The following COPB1 variants were observed in gnomAD, a reference collection of about 807,000 sequenced individuals.
COPB1 encodes coat protein complex I subunit beta 1, also known as coatomer subunit beta.
Under a neutral mutation model 108.7 loss-of-function variants are expected in COPB1, and 21 were observed. The ratio of observed to expected loss-of-function variants is 0.19; its 90% CI spans 0.14 to 0.28. The LOEUF (loss-of-function observed/expected upper bound fraction) is 0.28, where lower values mean the gene tolerates loss of function less well. Among genes scored for constraint, COPB1 ranks in the 10% least tolerant of loss-of-function variants. The probability of loss-of-function intolerance (pLI) is 1.00; values close to 1 mark genes in which losing one functional copy is unlikely to be tolerated. For synonymous variants in COPB1, 378 were observed against 386.8 expected (o/e 0.98, Z 0.27); for missense variants, 919 against 1,141.3 (o/e 0.81, Z 2.81).
intron 12 of COPB1, among the ~76,000 whole-genome samples, chr11:14,476,221 C>A (rs1353795046): frequency 1.3e-5 from 2 of 152,150 alleles, no homozygotes; most frequent in Non-Finnish European, 2.9e-5. Flanking sequence ...ATTCTTTCTA[C>A]ACATTTTACC....
chr11:14,479,343 G>A (rs571984877), intron 11 of COPB1, among the ~76,000 whole-genome samples: 1 of 152,282 alleles, frequency 6.6e-6, no homozygotes, highest in East Asian at 1.9e-4. Context: ...ATGTTTTAGA[G>A]AAAATCAGAA....
intron 20 of COPB1, 182 bp downstream of exon 20, chr11:14,460,026 G>A (rs1850109599): frequency 2.1e-6 from 1 of 476,522 alleles, no homozygotes; most frequent in African/African-American, 2.0e-5. Context: ...GGAAAAAGTA[G>A]GATGGTATAG....
intron 2 of COPB1, among the ~76,000 whole-genome samples, chr11:14,498,305 C>A (rs2575822): frequency 0.66 from 101,010 of 152,084 alleles, 33,754 homozygotes; most frequent in African/African-American, 0.7. Flanking sequence ...CTGTGTACCC[C>A]CAAAAATTAA....
At chr11:14,479,482 A>G (rs1013278180) in intron 11 of COPB1, 87 bp downstream of exon 11, 1 of 1,321,768 alleles carries the variant, frequency 7.6e-7, no homozygotes. Flanking sequence ...TGTCCTCTCC[A>G]TTCTATTTTC....
At chr11:14,474,658 G>A in intron 13 of COPB1, 43 bp from the exon 14 acceptor site, 2 of 1,607,408 alleles carry the variant, frequency 1.2e-6, no homozygotes, top group Non-Finnish European at 1.7e-6. Context: ...AACTTGCTAA[G>A]CAGCATGCAG....
intron 1 of COPB1, among the ~76,000 whole-genome samples, chr11:14,499,266 G>C (rs978668763): frequency 1.3e-5 from 2 of 152,098 alleles, no homozygotes; most frequent in Non-Finnish European, 2.9e-5. Flanking sequence ...ACAATGTTAT[G>C]GACCGTATGG....
rs770728418 is a variant in COPB1 at position 14,466,461 on chromosome 11, CAG to C, written c.2146-37_2146-36del. On this transcript the variant is annotated intron_variant, in intron 16 of 21. Coordinates refer to ENST00000439561, the MANE Select transcript of COPB1 (RefSeq NM_001144061.2). Reference sequence around the variant, plus strand: ...CAAAAACAAAGACATAATCAAATGACAGATGCAATTTCACCAAACATACCCTG... The same window carrying C: ...CAAAAACAAAGACATAATCAAATGACATGCAATTTCACCAAACATACCCTG... The C allele has an allele frequency of 1.9e-6, 3 of 1,589,700 alleles. No individual in the cohort carries two copies. In the East Asian group the frequency reaches 6.7e-5, roughly 36 times the overall value.
intron 20 of COPB1, 116 bp downstream of exon 20, chr11:14,460,092 T>C (rs1020108915): frequency 1.8e-5 from 11 of 603,278 alleles, no homozygotes; most frequent in African/African-American, 9.5e-5. Context: ...ATCTTTTAGA[T>C]AGCCTAGAAT....
At position 14,493,799 on chromosome 11, in the gene COPB1, G is replaced by C. The variant is rs767002374; in HGVS notation, c.334C>G (p.Pro112Ala). The C allele has an allele frequency of 1.9e-6, 3 of 1,584,982 alleles. No individual in the cohort carries two copies. Among genetic ancestry groups the C allele is most frequent in the Non-Finnish European group, 2.6e-6 (3 of 1,166,952 alleles). ...GTAGATCCTCGAATAAATTCATTAG[G>C]ATGTTGAAGATCCTGATATAAAAAT... ...CDAYRKDLQH[P>A]NEFIRGSTLR... The change falls in exon 4 of 22, where the codon CCT becomes GCT. Residue 112 changes from proline (P) to alanine (A), a missense_variant. Coordinates refer to ENST00000439561, the MANE Select transcript of COPB1 (RefSeq NM_001144061.2).
intron 14 of COPB1, among the ~76,000 whole-genome samples, chr11:14,473,145 T>C (rs1025268187): frequency 1.3e-5 from 2 of 152,034 alleles, no homozygotes; most frequent in African/African-American, 4.8e-5. Context: ...TGGCTAATTT[T>C]TGTATTTTTA....
intron 8 of COPB1, among the ~76,000 whole-genome samples, chr11:14,482,815 C>G (rs1850689776): frequency 6.6e-6 from 1 of 152,172 alleles, no homozygotes; most frequent in South Asian, 2.1e-4. Context: ...GGATTACAGG[C>G]GTGAGCCACC....
chr11:14,470,717 GA>G (rs199941207), intron 14 of COPB1, among the ~76,000 whole-genome samples: 6 of 150,462 alleles, frequency 4.0e-5, no homozygotes, highest in Non-Finnish European at 8.9e-5. Flanking sequence ...GGAGGGGACA[GA>G]AAAAAAAATC....
chr11:14,459,729 GC>G (rs1850104541), intron 20 of COPB1, among the ~76,000 whole-genome samples: 1 of 152,120 alleles, frequency 6.6e-6, no homozygotes, highest in East Asian at 1.9e-4. Flanking sequence ...TGATTCTCCT[GC>G]CTCAACCTCC....
Position 14,458,638 on chromosome 11 carries a change from G to C in COPB1, c.2696C>G (p.Ser899Cys). The C allele has an allele frequency of 1.2e-6, 2 of 1,613,636 alleles. No homozygotes were observed. The highest frequency in any genetic ancestry group is 1.7e-6 in the Non-Finnish European group (2 of 1,179,828). The change falls in exon 21 of 22, where the codon TCC (serine) becomes TGC (cysteine). Residue 899 changes from serine (S) to cysteine (C), a missense_variant. Physicochemically the swap from Ser to Cys is moderately radical, Grantham distance 112. Coordinates refer to ENST00000439561, the MANE Select transcript of COPB1 (RefSeq NM_001144061.2). ...TGCAAGTGCATCTTCACCAAATATG[G>C]AACGAGCATAAAGGTTGGCTGCCAT... ...GFMAANLYAR[S>C]IFGEDALANV... is the part of the protein sequence containing the mutation.
intron 13 of COPB1, among the ~76,000 whole-genome samples, chr11:14,475,119 A>AG (rs1565016791): frequency 4.5e-5 from 6 of 133,432 alleles, no homozygotes; most frequent in South Asian, 4.5e-4. Flanking sequence ...AAAAAAAAAA[A>AG]GAAAACTTAT....
intron 21 of COPB1, 124 bp from the exon 22 acceptor site, chr11:14,458,007 C>A (rs72868007): frequency 0.042 from 20,826 of 493,898 alleles, 617 homozygotes; most frequent in Non-Finnish European, 0.053. Flanking sequence ...CAAGGACATA[C>A]CAAACAGACT....
Position 14,478,068 on chromosome 11 carries a change from A to C in COPB1, c.1359-1053T>G, listed in dbSNP as rs537695558. 1.2e-4 allele frequency among the ~76,000 whole-genome samples: 19 copies of C among 152,262 alleles called. No homozygotes were observed. In the South Asian group the frequency reaches 3.9e-3, roughly 32 times the overall value. ...CTGCAGTTCTAAAGTATTTTAGATA[A>C]ATATTTCAGAAAGAATCTAACAAAA... On this transcript the variant is annotated intron_variant, in intron 11 of 21. Coordinates refer to ENST00000439561, the MANE Select transcript of COPB1 (RefSeq NM_001144061.2).
intron 18 of COPB1, among the ~76,000 whole-genome samples, chr11:14,463,305 CT>C (rs1850200145): frequency 6.6e-6 from 1 of 151,992 alleles, no homozygotes; most frequent in Non-Finnish European, 1.5e-5. Context: ...ATACTTATCT[CT>C]AGTTTATTTT....
intron 11 of COPB1, among the ~76,000 whole-genome samples, chr11:14,478,031 A>T (rs570290912): frequency 2.6e-5 from 4 of 151,970 alleles, no homozygotes; most frequent in Non-Finnish European, 5.9e-5. Context: ...AAAAACAAAA[A>T]CCAACAAGAT....
Sources: gnomAD v4.1 joint callset for allele counts (sites outside exome capture counted in the v4.1 genomes callset) on GRCh38, gnomAD v4.1.1 for gene constraint, MANE v1.5 for transcripts, NCBI Gene and HGNC (gene_info 2026-07-23, HGNC 2026-07-21) for gene names.